Variants in DLGAP1 observed in about 807,000 individuals in gnomAD.
DLGAP1 encodes DLG associated protein 1, also known as disks large-associated protein 1.
DLGAP1 carries 11 observed loss-of-function variants against 90.8 expected under a neutral mutation model. The ratio of observed to expected loss-of-function variants is 0.12; its 90% CI spans 0.08 to 0.20. DLGAP1 has a LOEUF of 0.20. Among genes scored for constraint, DLGAP1 ranks in the 10% least tolerant of loss-of-function variants. DLGAP1 has a pLI of 1.00. For missense variants in DLGAP1, 1,050 were observed against 1,333.8 expected (o/e 0.79, Z 3.31); for synonymous variants, 558 against 540.7 (o/e 1.03, Z -0.44).
At chr18:3,716,504 C>T (rs1429051451) in intron 7 of DLGAP1, among the ~76,000 whole-genome samples, 2 of 152,094 alleles carry the variant, frequency 1.3e-5, no homozygotes, top group South Asian at 4.2e-4. Flanking sequence ...TCACTGCACT[C>T]CAGCCTGGGT....
chr18:4,043,545 C>CTTATTTATTTAT (rs58833523), intron 2 of DLGAP1, among the ~76,000 whole-genome samples: 16 of 151,762 alleles, frequency 1.1e-4, no homozygotes, highest in South Asian at 2.1e-4. Flanking sequence ...TAACCTACAT[C>CTTATTTATTTAT]TTATTTATTT....
At chr18:3,568,141 T>G (rs2054542236) in intron 8 of DLGAP1, among the ~76,000 whole-genome samples, 1 of 152,144 alleles carries the variant, frequency 6.6e-6, no homozygotes, top group Admixed American at 6.5e-5. Flanking sequence ...TCAAGTGTTC[T>G]GCCCGCCTGG....
chr18:4,245,998 A>G (rs907854342), intron 1 of DLGAP1, among the ~76,000 whole-genome samples: 1 of 150,602 alleles, frequency 6.6e-6, no homozygotes, highest in Non-Finnish European at 1.5e-5. Context: ...TACCACTGAA[A>G]ACCTGCAAGT....
intron 2 of DLGAP1, among the ~76,000 whole-genome samples, chr18:4,074,956 C>A (rs1232592237): frequency 6.6e-6 from 1 of 152,146 alleles, no homozygotes; most frequent in Admixed American, 6.5e-5. Flanking sequence ...CTTCCAGATT[C>A]TAGTAAAGAA....
chr18:3,713,113 C>T (rs997620079), intron 7 of DLGAP1, among the ~76,000 whole-genome samples: 4 of 152,140 alleles, frequency 2.6e-5, no homozygotes, highest in African/African-American at 9.7e-5. Context: ...CAGGATAGAC[C>T]CTGAACCACC....
At chr18:4,242,100 C>G (rs1227453441) in intron 1 of DLGAP1, among the ~76,000 whole-genome samples, 1 of 151,998 alleles carries the variant, frequency 6.6e-6, no homozygotes, top group Non-Finnish European at 1.5e-5. Flanking sequence ...AAAGCAGTTC[C>G]CCTTCATCCT....
chr18:3,515,198 C>T (rs138381639), intron 10 of DLGAP1, among the ~76,000 whole-genome samples: 4,658 of 151,860 alleles, frequency 0.031, 242 homozygotes, highest in African/African-American at 0.11. Context: ...GGGCCGGGCG[C>T]GGTGGCTCAC....
At chr18:4,310,732 T>C (rs1005301743) in intron 1 of DLGAP1, among the ~76,000 whole-genome samples, 2 of 152,210 alleles carry the variant, frequency 1.3e-5, no homozygotes, top group Admixed American at 6.5e-5. Context: ...AAGATACTTA[T>C]CTAGAAGCAA....
chr18:4,178,202 A>AACACACACACACACACACAC (rs59444096), intron 1 of DLGAP1, among the ~76,000 whole-genome samples: 7 of 118,476 alleles, frequency 5.9e-5, no homozygotes, highest in African/African-American at 2.3e-4. Context: ...TCCTGGAATA[A>AACACACACACACACACACAC]ACACACACAC....
intron 1 of DLGAP1, among the ~76,000 whole-genome samples, chr18:4,388,078 T>G (rs970481931): frequency 3.3e-5 from 5 of 151,948 alleles, no homozygotes; most frequent in Admixed American, 6.6e-5. Flanking sequence ...GGGTCAGCAG[T>G]GTGGAGGACG....
intron 2 of DLGAP1, among the ~76,000 whole-genome samples, chr18:4,118,840 A>C (rs2076105675): frequency 6.6e-6 from 1 of 152,080 alleles, no homozygotes; most frequent in South Asian, 2.1e-4. Flanking sequence ...TACCCTATTT[A>C]CTTTAGGATA....
At chr18:4,380,151 G>A (rs886064386) in intron 1 of DLGAP1, among the ~76,000 whole-genome samples, 1 of 152,162 alleles carries the variant, frequency 6.6e-6, no homozygotes, top group South Asian at 2.1e-4. Context: ...AATAGGACTT[G>A]TAGTTTAAGG....
At chr18:3,627,962 C>T (rs886070537) in intron 7 of DLGAP1, among the ~76,000 whole-genome samples, 4 of 149,646 alleles carry the variant, frequency 2.7e-5, no homozygotes, top group Admixed American at 6.7e-5. Flanking sequence ...ACTGCAACCT[C>T]CCACCTCCCC....
intron 9 of DLGAP1, among the ~76,000 whole-genome samples, chr18:3,551,722 C>CCCTTCCTTCCTTCCTTCCTTCCTTCCTT (rs1156785378): frequency 2.4e-4 from 3 of 12,536 alleles, no homozygotes; most frequent in African/African-American, 7.8e-4. Context: ...CTCCCTCCCT[C>CCCTTCCTTCCTTCCTTCCTTCCTTCCTT]CCTTCCTTCC....
At chr18:4,400,972 T>A (rs1307029743) in intron 1 of DLGAP1, among the ~76,000 whole-genome samples, 1 of 152,186 alleles carries the variant, frequency 6.6e-6, no homozygotes, top group African/African-American at 2.4e-5. Flanking sequence ...ATTTTCACAC[T>A]CAAACACAAG....
At chr18:3,947,760 G>A (rs187229072) in intron 3 of DLGAP1, among the ~76,000 whole-genome samples, 42 of 152,252 alleles carry the variant, frequency 2.8e-4, no homozygotes, top group African/African-American at 1.0e-3. Context: ...CTTACCGGTT[G>A]GAGAATATAA....
intron 4 of DLGAP1, among the ~76,000 whole-genome samples, chr18:3,857,013 A>G (rs1173677146): frequency 6.6e-6 from 1 of 152,198 alleles, no homozygotes; most frequent in Non-Finnish European, 1.5e-5. Flanking sequence ...ATAATGCTAC[A>G]TCCATAGAGG....
intron 3 of DLGAP1, among the ~76,000 whole-genome samples, chr18:4,003,533 A>G (rs1366978177): frequency 6.6e-6 from 1 of 150,440 alleles, no homozygotes; most frequent in Non-Finnish European, 1.5e-5. Flanking sequence ...TTCAACTCTA[A>G]ACAGAAAACA....
chr18:3,980,054 T>C (rs1473607738), intron 3 of DLGAP1, among the ~76,000 whole-genome samples: 1 of 152,058 alleles, frequency 6.6e-6, no homozygotes, highest in Non-Finnish European at 1.5e-5. Flanking sequence ...GAGAATTGCT[T>C]TTACGTGGGA....
Sources: allele counts gnomAD v4.1 joint callset (sites outside exome capture counted in the v4.1 genomes callset), GRCh38; gene constraint gnomAD v4.1.1; transcripts MANE v1.5; gene names NCBI Gene and HGNC (gene_info 2026-07-23, HGNC 2026-07-21).